STAG1: variants seen among roughly 807,000 people sequenced by gnomAD.
The protein encoded by STAG1 is cohesin subunit SA-1.
STAG1 carries 26 observed loss-of-function variants against 170.9 expected under a neutral mutation model. The ratio of observed to expected loss-of-function variants is 0.15; its 90% CI spans 0.11 to 0.21. The LOEUF (loss-of-function observed/expected upper bound fraction) is 0.21. Ranked by LOEUF, STAG1 falls within the 10% of genes least tolerant of loss-of-function variation. The pLI is 1.00. For missense variants in STAG1, 964 were observed against 1,509.5 expected (o/e 0.64, Z 5.99); for synonymous variants, 514 against 497.7 (o/e 1.03, Z -0.44).
chr3:136,572,895 G>C (rs950102484), intron 4 of STAG1, among the ~76,000 whole-genome samples: 9 of 152,154 alleles, frequency 5.9e-5, no homozygotes, highest in African/African-American at 2.2e-4. Flanking sequence ...CTAAACTCCA[G>C]GCCAGGTGCA....
chr3:136,396,943 AT>A (rs1357271069), intron 22 of STAG1, among the ~76,000 whole-genome samples: 1 of 152,186 alleles, frequency 6.6e-6, no homozygotes, highest in East Asian at 1.9e-4. Context: ...ATATATTACC[AT>A]TCTTCTAATG....
At chr3:136,358,149 G>A (rs1936726530) in intron 27 of STAG1, among the ~76,000 whole-genome samples, 1 of 150,468 alleles carries the variant, frequency 6.6e-6, no homozygotes, top group Non-Finnish European at 1.5e-5. Flanking sequence ...GTGCAGTGGT[G>A]CTATCATGGC....
At chr3:136,451,372 CAAGAT>C (rs990415600) in intron 14 of STAG1, among the ~76,000 whole-genome samples, 2 of 151,890 alleles carry the variant, frequency 1.3e-5, no homozygotes, top group African/African-American at 4.8e-5. Context: ...AATTTTCAAA[CAAGAT>C]AAAACTAATG....
At chr3:136,608,741 C>G (rs1368294358) in intron 3 of STAG1, among the ~76,000 whole-genome samples, 1 of 142,820 alleles carries the variant, frequency 7.0e-6, no homozygotes, top group Non-Finnish European at 1.5e-5. Context: ...GAGGTGGAGT[C>G]TGCAGTGAGC....
chr3:136,564,478 C>A (rs957218859), intron 5 of STAG1, among the ~76,000 whole-genome samples: 5 of 152,082 alleles, frequency 3.3e-5, no homozygotes, highest in African/African-American at 9.7e-5. Context: ...ATTAGTAAAT[C>A]CCTTTTGTAA....
chr3:136,711,937 G>GA (rs1013131482), intron 1 of STAG1, among the ~76,000 whole-genome samples: 3 of 151,970 alleles, frequency 2.0e-5, no homozygotes, highest in African/African-American at 7.3e-5. Flanking sequence ...CTCCAAGGAA[G>GA]AAAAAAAATT....
chr3:136,623,052 G>T, intron 3 of STAG1, 94 bp downstream of exon 3: 2 of 1,054,186 alleles, frequency 1.9e-6, no homozygotes, highest in Non-Finnish European at 2.7e-6. Context: ...TTTTTTTTAA[G>T]TATTAACCAT....
At chr3:136,348,292 GTT>G (rs558291233) in intron 29 of STAG1, among the ~76,000 whole-genome samples, 16 of 138,964 alleles carry the variant, frequency 1.2e-4, no homozygotes, top group Admixed American at 7.2e-4. Flanking sequence ...CAATTTTTAG[GTT>G]TTTTTTTTTT....
At chr3:136,682,886 T>C (rs912155298) in intron 1 of STAG1, among the ~76,000 whole-genome samples, 2 of 152,140 alleles carry the variant, frequency 1.3e-5, no homozygotes, top group Non-Finnish European at 2.9e-5. Context: ...TACTAACGGA[T>C]AAATGGATAA....
At chr3:136,710,497 C>T (rs1943354094) in intron 1 of STAG1, among the ~76,000 whole-genome samples, 1 of 152,128 alleles carries the variant, frequency 6.6e-6, no homozygotes, top group Non-Finnish European at 1.5e-5. Flanking sequence ...AGTATTAAGC[C>T]TACCCGGTAC....
At chr3:136,751,822 G>GGGCGGGCTTGGC (rs1559990839) in intron 1 of STAG1, among the ~76,000 whole-genome samples, 2 of 150,952 alleles carry the variant, frequency 1.3e-5, no homozygotes, top group African/African-American at 2.4e-5. Context: ...GGGGGGCGGA[G>GGGCGGGCTTGGC]GGCGGGCTTG....
chr3:136,437,339 T>C (rs1041267648), intron 15 of STAG1, among the ~76,000 whole-genome samples: 12 of 152,176 alleles, frequency 7.9e-5, no homozygotes, highest in African/African-American at 2.4e-4. Flanking sequence ...TGAAATTTAA[T>C]TGAAATTCCT....
At chr3:136,514,854 T>G (rs190669265) in intron 7 of STAG1, among the ~76,000 whole-genome samples, 2 of 152,010 alleles carry the variant, frequency 1.3e-5, no homozygotes, top group Admixed American at 6.5e-5. Flanking sequence ...TAGGTGGGAA[T>G]TGAACACTGA....
intron 1 of STAG1, among the ~76,000 whole-genome samples, chr3:136,719,388 T>C (rs1299268356): frequency 6.6e-6 from 1 of 152,068 alleles, no homozygotes; most frequent in Non-Finnish European, 1.5e-5. Context: ...ACAGATTTTC[T>C]TCTTTGGGGG....
At chr3:136,472,620 A>G (rs893105379) in intron 11 of STAG1, 128 bp from the exon 12 acceptor site, 2 of 592,096 alleles carry the variant, frequency 3.4e-6, no homozygotes, top group Non-Finnish European at 6.0e-6. Context: ...TTTACTCTTG[A>G]AACTGCAGTA....
intron 1 of STAG1, among the ~76,000 whole-genome samples, chr3:136,728,116 G>A (rs995177396): frequency 3.3e-5 from 5 of 151,790 alleles, no homozygotes; most frequent in Non-Finnish European, 5.9e-5. Flanking sequence ...CCGAGGTTGC[G>A]CCATGCACTC....
chr3:136,682,419 TG>T (rs1232193734), intron 1 of STAG1, among the ~76,000 whole-genome samples: 1 of 150,194 alleles, frequency 6.7e-6, no homozygotes, highest in Non-Finnish European at 1.5e-5. Flanking sequence ...AGTGGGACTC[TG>T]TTTCACAAAA....
At chr3:136,512,518 C>CAT in intron 7 of STAG1, among the ~76,000 whole-genome samples, 1 of 152,260 alleles carries the variant, frequency 6.6e-6, no homozygotes, top group East Asian at 1.9e-4. Flanking sequence ...GAAGTCCAGA[C>CAT]ATTTATCTTC....
intron 6 of STAG1, among the ~76,000 whole-genome samples, chr3:136,533,208 G>A (rs1935461839): frequency 1.3e-5 from 2 of 151,928 alleles, no homozygotes; most frequent in Non-Finnish European, 2.9e-5. Context: ...TAAAGTGAAG[G>A]ATCTCTATAA....
Sources: allele counts gnomAD v4.1 joint callset (sites outside exome capture counted in the v4.1 genomes callset), GRCh38; gene constraint gnomAD v4.1.1; transcripts MANE v1.5; gene names NCBI Gene and HGNC (gene_info 2026-07-23, HGNC 2026-07-21).